The following TRPM3 variants were observed in gnomAD, a reference collection of about 807,000 sequenced individuals.
The protein encoded by TRPM3 is transient receptor potential cation channel subfamily M member 3, also known as long transient receptor potential channel 3.
In TRPM3, 77 loss-of-function variants were observed where a neutral mutation model predicts 181.2. The observed-to-expected ratio is 0.42, with a 90% CI of 0.35 to 0.51. The LOEUF is 0.51. Ranked by LOEUF, TRPM3 falls within the 20% of genes least tolerant of loss-of-function variation. The pLI, the probability that TRPM3 is intolerant of heterozygous loss-of-function variation, is 0.01. For synonymous variants in TRPM3, 745 were observed against 796.4 expected (o/e 0.94, Z 1.09); for missense variants, 1,759 against 2,196.7 (o/e 0.80, Z 3.98).
chr9:71,385,145 T>C (rs1347717633), intron 1 of TRPM3, among the ~76,000 whole-genome samples: 1 of 152,122 alleles, frequency 6.6e-6, no homozygotes, highest in Non-Finnish European at 1.5e-5. Context: ...AAAATCCCAA[T>C]GTCAGAAGTT....
At chr9:70,603,216 G>A in intron 20 of TRPM3, 126 bp downstream of exon 20, 1 of 1,162,498 alleles carries the variant, frequency 8.6e-7, no homozygotes, top group East Asian at 2.4e-5. Context: ...AGAAGCAGCT[G>A]TGGTAGAGTT....
At chr9:70,908,065 C>G (rs773705382) in intron 1 of TRPM3, among the ~76,000 whole-genome samples, 3 of 152,036 alleles carry the variant, frequency 2.0e-5, no homozygotes, top group Non-Finnish European at 4.4e-5. Flanking sequence ...CTTTGTGTAT[C>G]TATCTAGTAA....
At chr9:70,547,005 C>A (rs2045134692) in intron 25 of TRPM3, among the ~76,000 whole-genome samples, 1 of 152,124 alleles carries the variant, frequency 6.6e-6, no homozygotes, top group South Asian at 2.1e-4. Flanking sequence ...ATGGGGGCAT[C>A]TTTGTATTTC....
chr9:71,190,423 A>T (rs1165656649), intron 1 of TRPM3, among the ~76,000 whole-genome samples: 1 of 151,918 alleles, frequency 6.6e-6, no homozygotes, highest in Non-Finnish European at 1.5e-5. Flanking sequence ...ATCATATTAA[A>T]ACTTTTGCTA....
At chr9:70,594,902 T>A (rs1168537908) in intron 21 of TRPM3, among the ~76,000 whole-genome samples, 1 of 152,214 alleles carries the variant, frequency 6.6e-6, no homozygotes, top group Non-Finnish European at 1.5e-5. Flanking sequence ...TGATAAATTC[T>A]ATAGGCATAT....
chr9:71,091,894 T>C (rs1350043376), intron 1 of TRPM3, among the ~76,000 whole-genome samples: 1 of 152,166 alleles, frequency 6.6e-6, no homozygotes, highest in Non-Finnish European at 1.5e-5. Flanking sequence ...GAATTTTGTT[T>C]GGGTGCCCCA....
At chr9:71,416,008 CA>C (rs1390320227) in intron 1 of TRPM3, among the ~76,000 whole-genome samples, 1 of 148,520 alleles carries the variant, frequency 6.7e-6, no homozygotes, top group African/African-American at 2.6e-5. Flanking sequence ...TATAATATTC[CA>C]ATTTTTTTTT....
intron 1 of TRPM3, among the ~76,000 whole-genome samples, chr9:70,942,444 C>T (rs1322029542): frequency 6.6e-6 from 1 of 152,112 alleles, no homozygotes; most frequent in African/African-American, 2.4e-5. Context: ...AGCATCTCAG[C>T]CATCAACAAT....
At chr9:71,427,694 C>T (rs764033478) in intron 1 of TRPM3, among the ~76,000 whole-genome samples, 2 of 152,196 alleles carry the variant, frequency 1.3e-5, no homozygotes, top group African/African-American at 2.4e-5. Context: ...TCACCAAGTG[C>T]GAGCTAAACA....
chr9:70,915,896 G>A (rs957296428), intron 1 of TRPM3, among the ~76,000 whole-genome samples: 1 of 152,110 alleles, frequency 6.6e-6, no homozygotes, highest in Non-Finnish European at 1.5e-5. Context: ...GAAGGTTACA[G>A]AACACCAAGC....
intron 1 of TRPM3, among the ~76,000 whole-genome samples, chr9:71,285,466 G>A (rs763163375): frequency 2.0e-5 from 3 of 152,096 alleles, no homozygotes; most frequent in Admixed American, 6.5e-5. Context: ...CTATTAGCTC[G>A]AACTGTTGCC....
At chr9:70,662,962 C>T (rs141048910) in intron 9 of TRPM3, among the ~76,000 whole-genome samples, 13 of 152,128 alleles carry the variant, frequency 8.5e-5, no homozygotes, top group South Asian at 2.1e-4. Flanking sequence ...CAGCACAATT[C>T]GCAATGGCAA....
chr9:71,024,307 G>A (rs540721842), intron 1 of TRPM3, among the ~76,000 whole-genome samples: 147 of 152,308 alleles, frequency 9.7e-4, no homozygotes, highest in African/African-American at 3.3e-3. Context: ...CAAGTATCAA[G>A]AACTGAGTCA....
intron 1 of TRPM3, among the ~76,000 whole-genome samples, chr9:71,098,765 G>A (rs1487247696): frequency 2.0e-5 from 3 of 152,108 alleles, no homozygotes; most frequent in Non-Finnish European, 4.4e-5. Context: ...AAAACTGGAA[G>A]ATTACTCCTC....
chr9:70,695,826 A>G lies in TRPM3; in HGVS notation c.1273-14248T>C, dbSNP rs145356760. ...TCTCAGCTGATGACCTTGACGCCGG[A>G]GAGGTTAGATACCACATGGAGAACC... On this transcript the variant is annotated intron_variant, in intron 8 of 25. Transcript: ENST00000677713. Among the ~76,000 whole-genome samples the G allele has an allele frequency of 4.6e-3, 707 of 152,312 alleles. 3 individuals carry two copies. The highest frequency in any genetic ancestry group is 7.7e-3 in the Admixed American group (118 of 15,298).
chr9:71,050,315 C>T (rs530526593), intron 1 of TRPM3, among the ~76,000 whole-genome samples: 20 of 147,356 alleles, frequency 1.4e-4, no homozygotes, highest in East Asian at 4.1e-4. Context: ...TGTAGATCTC[C>T]GATACACCTT....
At chr9:71,371,127 G>A (rs940997460) in intron 1 of TRPM3, among the ~76,000 whole-genome samples, 6 of 152,042 alleles carry the variant, frequency 3.9e-5, no homozygotes, top group Admixed American at 3.9e-4. Flanking sequence ...TCACTCAAGA[G>A]CTCTGATGGA....
chr9:70,542,057 G>A lies in TRPM3; in HGVS notation c.3708-4652C>T, dbSNP rs570112296. On this transcript the variant is annotated intron_variant, in intron 25 of 25. Coordinates refer to ENST00000677713, the MANE Select transcript of TRPM3 (RefSeq NM_001366145.2). ...GATCACTTGAGCCCAGGAGACTGAGGCTGTGGTGAGCCCAGATGGCGCCAT... is the reference window on the plus strand; with the variant it reads ...GATCACTTGAGCCCAGGAGACTGAGACTGTGGTGAGCCCAGATGGCGCCAT... Among the ~76,000 whole-genome samples, 11 of 152,288 alleles carry A rather than the reference G, an allele frequency of 7.2e-5. No homozygotes were observed. The South Asian group carries it at 2.3e-3, about 32-fold the overall frequency.
chr9:71,260,992 C>G (rs912280324), intron 1 of TRPM3, among the ~76,000 whole-genome samples: 1 of 152,076 alleles, frequency 6.6e-6, no homozygotes, highest in Non-Finnish European at 1.5e-5. Flanking sequence ...TGGGGTTGTT[C>G]TTCTTGAGGA....
Sources: gnomAD v4.1 joint callset for allele counts (sites outside exome capture counted in the v4.1 genomes callset) on GRCh38, gnomAD v4.1.1 for gene constraint, MANE v1.5 for transcripts, NCBI Gene and HGNC (gene_info 2026-07-23, HGNC 2026-07-21) for gene names.